The following MSANTD2 variants were observed in gnomAD, a reference collection of about 807,000 sequenced individuals.
The protein encoded by MSANTD2 is Myb/SANT DNA binding domain containing 2.
Under a neutral mutation model 52.6 loss-of-function variants are expected in MSANTD2, and 19 were observed. The observed-to-expected ratio is 0.36, with a 90% confidence interval of 0.25 to 0.53. The LOEUF is 0.53. MSANTD2 is among the 20% of genes least tolerant of loss of function. The probability of loss-of-function intolerance (pLI) is 0.91; values close to 1 mark genes in which losing one functional copy is unlikely to be tolerated. For missense variants in MSANTD2, 558 were observed against 716.3 expected (o/e 0.78, Z 2.52); for synonymous variants, 291 against 289.7 (o/e 1.00, Z -0.04).
At chr11:124,773,163 CT>C in intron 2 of MSANTD2, 109 bp from the exon 3 acceptor site, 1 of 660,156 alleles carries the variant, frequency 1.5e-6, no homozygotes, top group Non-Finnish European at 2.7e-6. Context: ...CAAAACCAGG[CT>C]TTTATTCTAG....
chr11:124,795,265 C>T (rs1945458979), intron 1 of MSANTD2, among the ~76,000 whole-genome samples: 1 of 152,194 alleles, frequency 6.6e-6, no homozygotes, highest in Non-Finnish European at 1.5e-5. Context: ...AATCACCTTG[C>T]ATTTCATCTT....
Position 124,800,395 on chromosome 11 carries a change from C to T in MSANTD2, c.-15G>A, listed in dbSNP as rs1212225628. The T allele has an allele frequency of 2.0e-6, 3 of 1,480,886 alleles. No homozygotes were observed. Among genetic ancestry groups the T allele is most frequent in the Non-Finnish European group, 9.0e-7 (1 of 1,113,426 alleles). 91.7% of individuals were successfully genotyped at this position (1,480,886 alleles called of 1,614,324 possible). A position where few individuals can be genotyped will look rare whatever the true frequency, so the allele number is the denominator to read the frequency against. On this transcript the variant is annotated 5_prime_UTR_variant, in exon 1 of 4. Transcript: ENST00000374979. The surrounding 1 kb of genome is among the most constrained non-coding windows in gnomAD (Gnocchi z 4.3). Reference sequence around the variant, plus strand: ...GGCGCAGCCATCTTCCAAGCGGCCGCCGCTGCACCGCCCGGAAGTGACGCG... The same window carrying T: ...GGCGCAGCCATCTTCCAAGCGGCCGTCGCTGCACCGCCCGGAAGTGACGCG...
chr11:124,773,241 A>C, intron 2 of MSANTD2, 187 bp from the exon 3 acceptor site: 1 of 444,390 alleles, frequency 2.3e-6, no homozygotes, highest in Non-Finnish European at 4.0e-6. Flanking sequence ...ATACATTTAT[A>C]TGTAACATCA....
chr11:124,767,830 G>C lies in MSANTD2; in HGVS notation c.1026C>G (p.Gly342=), dbSNP rs1160641914. 1 of 1,614,226 alleles carries C rather than the reference G, an allele frequency of 6.2e-7. No individual in the cohort carries two copies. Among genetic ancestry groups the C allele is most frequent in the South Asian group, 1.1e-5 (1 of 91,088 alleles). Residue 342 remains glycine, a synonymous_variant, in exon 4 of 4, where the codon GGC becomes GGG. Transcript: ENST00000374979. This position sits in a 1 kb window ranked among gnomAD's most constrained non-coding sequence, Gnocchi z 6.5. ...AGTTGAAGTACTCCCGAAGTCGCTT[G>C]CCAAGGGGCACCTGGGAGCTGATCT... ...YAEISSQVPL[G]KRLREYFNSE...
intron 3 of MSANTD2, among the ~76,000 whole-genome samples, chr11:124,772,699 T>C (rs536877715): frequency 1.5e-5 from 2 of 130,184 alleles, no homozygotes; most frequent in South Asian, 4.7e-4. Context: ...ATTGCACCAC[T>C]GCACACCAGC....
chr11:124,775,039 GATATTA>G, intron 1 of MSANTD2, 65 bp from the exon 2 acceptor site: 1 of 1,414,108 alleles, frequency 7.1e-7, no homozygotes, highest in Non-Finnish European at 9.5e-7. Context: ...ACGGACCACA[GATATTA>G]ATTACTATTA....
At chr11:124,780,568 A>G (rs1944921041) in intron 1 of MSANTD2, among the ~76,000 whole-genome samples, 1 of 152,210 alleles carries the variant, frequency 6.6e-6, no homozygotes, top group Non-Finnish European at 1.5e-5. Flanking sequence ...AAATGCACAC[A>G]TACACAACCT....
At chr11:124,791,657 T>C in intron 1 of MSANTD2, 1 of 1,422,994 alleles carries the variant, frequency 7.0e-7, no homozygotes, top group Non-Finnish European at 9.9e-7. Context: ...TGCACCAGCA[T>C]TTGGTGAGGG....
rs1429823913 is a variant in MSANTD2 at position 124,779,168 on chromosome 11, G to A, written c.511-4194C>T. ...CAAGAGAGGGAAATTGTAGAGTTCA[G>A]AAAAGGGCAAATAAAATATTGAAAG... On this transcript the variant is annotated intron_variant, in intron 1 of 3. Transcript: ENST00000374979. The surrounding 1 kb of genome is among the most constrained non-coding windows in gnomAD (Gnocchi z 4.6). 1 of 152,196 alleles carries A rather than the reference G, an allele frequency of 6.6e-6. No individual in the cohort carries two copies. Among genetic ancestry groups the A allele is most frequent in the African/African-American group, 2.4e-5 (1 of 41,430 alleles). The allele number at this position is 152,196 out of a possible 1,614,324, so 9.4% of individuals were successfully genotyped here.
At chr11:124,780,528 C>T (rs888443720) in intron 1 of MSANTD2, among the ~76,000 whole-genome samples, 12 of 152,126 alleles carry the variant, frequency 7.9e-5, no homozygotes, top group African/African-American at 2.9e-4. Context: ...AGTTCTTAAC[C>T]TTTTTGAGTC....
At chr11:124,799,582 G>C (rs940506147) in intron 1 of MSANTD2, among the ~76,000 whole-genome samples, 8 of 151,684 alleles carry the variant, frequency 5.3e-5, no homozygotes, top group African/African-American at 1.5e-4. Context: ...ACTGCCGCAC[G>C]GCGCACAATG....
intron 3 of MSANTD2, among the ~76,000 whole-genome samples, chr11:124,769,346 C>T (rs1944416108): frequency 1.3e-5 from 2 of 152,172 alleles, no homozygotes; most frequent in Non-Finnish European, 2.9e-5. Context: ...TGAAAGCTTT[C>T]AAGTATGAGA....
At chr11:124,770,278 T>C (rs991495777) in intron 3 of MSANTD2, among the ~76,000 whole-genome samples, 1 of 151,670 alleles carries the variant, frequency 6.6e-6, no homozygotes, top group African/African-American at 2.4e-5. Context: ...GGTTTGAAGG[T>C]ATACATTTGT....
intron 1 of MSANTD2, among the ~76,000 whole-genome samples, chr11:124,794,056 T>C (rs191750229): frequency 6.6e-6 from 1 of 152,354 alleles, no homozygotes; most frequent in African/African-American, 2.4e-5. Flanking sequence ...TCAGGCACAA[T>C]GCCACACATT....
At chr11:124,770,512 T>G (rs1944474171) in intron 3 of MSANTD2, among the ~76,000 whole-genome samples, 2 of 152,134 alleles carry the variant, frequency 1.3e-5, no homozygotes, top group Admixed American at 6.5e-5. Context: ...TTGCCCAGAC[T>G]GGTTTTTAAT....
At chr11:124,777,192 T>G (rs1463738687) in intron 1 of MSANTD2, among the ~76,000 whole-genome samples, 1 of 152,078 alleles carries the variant, frequency 6.6e-6, no homozygotes, top group East Asian at 1.9e-4. Flanking sequence ...TCTTTTCAAC[T>G]CCTCCAAGGA....
In MSANTD2 at chr11:124,767,450, G is replaced by T; in HGVS notation, c.1406C>A (p.Pro469His). ...GAGGTAGCAATAGATAATTCGGGTG[G>T]GTTCTATTTCCACCTGTAATGAGGC... ...AQASLQVEIE[P>H]TRIIYCYLGI... Residue 469 changes from proline (P) to histidine (H), a missense_variant, in exon 4 of 4, where the codon CCC (proline) becomes CAC (histidine). By Grantham distance (77) the Pro-to-His change is moderately conservative (BLOSUM62 -2). Around this residue, in one of 2 missense-constraint regions of MSANTD2, gnomAD observed 408 missense variants for 573.6 expected, o/e 0.71. Coordinates refer to ENST00000374979, the MANE Select transcript of MSANTD2 (RefSeq NM_001308027.2). This position sits in a 1 kb window ranked among gnomAD's most constrained non-coding sequence, Gnocchi z 6.5. The T allele has an allele frequency of 1.2e-6, 2 of 1,614,150 alleles. No homozygotes were observed. Among genetic ancestry groups the T allele is most frequent in the African/African-American group, 1.3e-5 (1 of 75,016 alleles).
intron 1 of MSANTD2, 82 bp from the exon 2 acceptor site, chr11:124,775,056 G>T: frequency 8.5e-7 from 1 of 1,173,658 alleles, no homozygotes. Context: ...ATTACTATTA[G>T]ACAGACACAG....
intron 3 of MSANTD2, 126 bp downstream of exon 3, chr11:124,772,868 T>C: frequency 7.5e-6 from 5 of 666,296 alleles, no homozygotes; most frequent in Non-Finnish European, 1.1e-5. Flanking sequence ...ATCTAAAGAA[T>C]GAATAGACAT....
Sources: allele counts gnomAD v4.1 joint callset (sites outside exome capture counted in the v4.1 genomes callset), GRCh38; gene constraint gnomAD v4.1.1; regional missense constraint gnomAD v4.1.1; non-coding constraint Gnocchi (gnomAD v3.1); transcripts MANE v1.5; gene names NCBI Gene and HGNC (gene_info 2026-07-23, HGNC 2026-07-21).